The following CAPN2 variants were observed in gnomAD, a reference collection of about 807,000 sequenced individuals.
CAPN2 encodes the protein calpain-2 catalytic subunit.
In CAPN2, 92 loss-of-function variants were observed where a neutral mutation model predicts 102.3. The ratio of observed to expected loss-of-function variants is 0.90; its 90% confidence interval spans 0.76 to 1.07. CAPN2 has a LOEUF of 1.07. CAPN2 is among the 50% of genes least tolerant of loss of function. The probability of loss-of-function intolerance (pLI) is 0.00; values close to 1 mark genes in which losing one functional copy is unlikely to be tolerated. For synonymous variants in CAPN2, 340 were observed against 355.4 expected, an observed-to-expected ratio of 0.96 and a Z score of 0.49; for missense variants, 800 against 909.4, an observed-to-expected ratio of 0.88 and a Z score of 1.55.
At chr1:223,736,971 C>G (rs1406012975) in intron 2 of CAPN2, among the ~76,000 whole-genome samples, 1 of 151,972 alleles carries the variant, frequency 6.6e-6, no homozygotes, top group Non-Finnish European at 1.5e-5. Flanking sequence ...CCCGGGAGGT[C>G]AAGGCTGCAG....
intron 2 of CAPN2, among the ~76,000 whole-genome samples, chr1:223,739,697 G>C (rs1660565182): frequency 6.6e-6 from 1 of 152,118 alleles, no homozygotes; most frequent in Non-Finnish European, 1.5e-5. Flanking sequence ...AATAAAATGA[G>C]CACAAGGAAA....
At chr1:223,765,902 C>T (rs772086003) in intron 15 of CAPN2, among the ~76,000 whole-genome samples, 19 of 152,184 alleles carry the variant, frequency 1.2e-4, no homozygotes, top group Non-Finnish European at 2.2e-4. Flanking sequence ...ACAAATAGCT[C>T]GTGGATCGAT....
At chr1:223,748,226 T>C (rs944494330) in intron 5 of CAPN2, among the ~76,000 whole-genome samples, 2 of 152,220 alleles carry the variant, frequency 1.3e-5, no homozygotes, top group Admixed American at 1.3e-4. Flanking sequence ...GTGGGCACTG[T>C]GCCCAGGAGC....
At chr1:223,743,830 C>T (rs1660683788) in intron 2 of CAPN2, among the ~76,000 whole-genome samples, 1 of 152,230 alleles carries the variant, frequency 6.6e-6, no homozygotes, top group Non-Finnish European at 1.5e-5. Flanking sequence ...AATTTCCCAT[C>T]TCTGCCCAAC....
At chr1:223,772,357 G>A (rs1034301575) in intron 20 of CAPN2, 118 bp downstream of exon 20, 14 of 801,234 alleles carry the variant, frequency 1.7e-5, no homozygotes, top group African/African-American at 6.8e-5. Flanking sequence ...TTGGTCTGTC[G>A]GGGCCAGGCC....
chr1:223,730,037 G>GAAAAAAAAAAAAAA (rs1660298689), intron 2 of CAPN2, among the ~76,000 whole-genome samples: 2 of 94,178 alleles, frequency 2.1e-5, no homozygotes, highest in African/African-American at 4.0e-5. Context: ...AAAAAAAAAC[G>GAAAAAAAAAAAAAA]AAAACCTGAA....
chr1:223,772,455 T>G, intron 20 of CAPN2: 1 of 529,784 alleles, frequency 1.9e-6, no homozygotes, highest in Admixed American at 3.3e-5. Flanking sequence ...CACGCCTGGC[T>G]CCCTCTTCTC....
intron 9 of CAPN2, among the ~76,000 whole-genome samples, chr1:223,753,710 C>CT (rs1179083649): frequency 6.6e-6 from 1 of 152,242 alleles, no homozygotes; most frequent in Non-Finnish European, 1.5e-5. Flanking sequence ...AAATTCGACA[C>CT]TTGACCTCAG....
intron 11 of CAPN2, chr1:223,758,409 C>G (rs1222484615): frequency 6.6e-6 from 1 of 152,272 alleles, no homozygotes; most frequent in Non-Finnish European, 1.5e-5. Flanking sequence ...GCTGCTCCAG[C>G]CTTGGTCCGG....
chr1:223,734,989 C>T (rs1660414184), intron 2 of CAPN2, among the ~76,000 whole-genome samples: 1 of 152,142 alleles, frequency 6.6e-6, no homozygotes, highest in South Asian at 2.1e-4. Flanking sequence ...AGAAACCAGA[C>T]TGCTCTCCCT....
chr1:223,707,558 T>C (rs1347506647), upstream of CAPN2, among the ~76,000 whole-genome samples: 5 of 152,252 alleles, frequency 3.3e-5, no homozygotes, highest in Non-Finnish European at 7.3e-5. Flanking sequence ...GTTTAAAAAC[T>C]AGACTTTGTC....
At chr1:223,751,346 C>G (rs1227955692) in intron 7 of CAPN2, among the ~76,000 whole-genome samples, 1 of 152,180 alleles carries the variant, frequency 6.6e-6, no homozygotes, top group African/African-American at 2.4e-5. Context: ...TACCAAAGGC[C>G]AGAGAAACAT....
intron 7 of CAPN2, among the ~76,000 whole-genome samples, chr1:223,751,605 A>G (rs1660899803): frequency 7.3e-6 from 1 of 137,118 alleles, no homozygotes; most frequent in African/African-American, 3.4e-5. Context: ...ACACCTGCTG[A>G]GGCTTCCCAG....
At chr1:223,721,284 T>C (rs1425834056) in intron 2 of CAPN2, among the ~76,000 whole-genome samples, 1 of 152,346 alleles carries the variant, frequency 6.6e-6, no homozygotes, top group East Asian at 1.9e-4. Context: ...AATATGGCTC[T>C]GAAATCGTGG....
rs1324058605 is a variant in CAPN2, at chr1:223,775,638, A to C, written c.*781A>C. The C allele has an allele frequency of 6.6e-6, 1 of 152,620 alleles. No homozygotes were observed. The highest frequency in any genetic ancestry group is 1.5e-5 in the Non-Finnish European group (1 of 68,040). The allele number at this position is 152,620 out of a possible 1,614,324, so 9.5% of individuals were successfully genotyped here. A position where few individuals can be genotyped will look rare whatever the true frequency, so the allele number is the denominator to read the frequency against. On this transcript the variant is annotated 3_prime_UTR_variant, in exon 21 of 21. Coordinates refer to ENST00000295006, the MANE Select transcript of CAPN2 (RefSeq NM_001748.5). ...ACAAAATAAGCTGTTTGCCACCTCAAAACTTTATGAACTTCACCACCACTA... is the reference window on the plus strand; with the variant it reads ...ACAAAATAAGCTGTTTGCCACCTCACAACTTTATGAACTTCACCACCACTA...
chr1:223,706,026 C>G (rs536254602), intron 1 of CAPN2, among the ~76,000 whole-genome samples: 32 of 152,264 alleles, frequency 2.1e-4, no homozygotes, highest in African/African-American at 7.5e-4. Context: ...CTAGGGGACC[C>G]CAGCTATGAA....
rs200300250 is a variant in CAPN2 at position 223,752,016 on chromosome 1, A to G, written c.919A>G (p.Ile307Val). ...TTCCAGCTGCCCAAGCTGGAACACT[A>G]TAGACCCAGAGGAGAGGGAAAGGCT... ...WNDNCPSWNT[I>V]DPEERERLTR... Residue 307 changes from isoleucine to valine, a missense_variant, in exon 8 of 21, where the codon ATA (isoleucine) becomes GTA (valine). By Grantham distance (29) the Ile-to-Val change is conservative (BLOSUM62 3). Coordinates refer to ENST00000295006, the MANE Select transcript of CAPN2 (RefSeq NM_001748.5). 17 of 1,612,378 alleles carry G rather than the reference A, an allele frequency of 1.1e-5. No homozygotes were observed. Among genetic ancestry groups the G allele is most frequent in the African/African-American group, 9.4e-5 (7 of 74,828 alleles).
intron 2 of CAPN2, among the ~76,000 whole-genome samples, chr1:223,736,269 G>A (rs1660454243): frequency 6.6e-6 from 1 of 152,210 alleles, no homozygotes; most frequent in Non-Finnish European, 1.5e-5. Flanking sequence ...TGGGCTGGAG[G>A]AGCAAAGCCA....
chr1:223,710,382 C>A (rs1167245523), upstream of CAPN2, among the ~76,000 whole-genome samples: 1 of 152,176 alleles, frequency 6.6e-6, no homozygotes, highest in African/African-American at 2.4e-5. Flanking sequence ...TCAGCCTCTA[C>A]ATGACTGATG....
Sources: allele counts gnomAD v4.1 joint callset (sites outside exome capture counted in the v4.1 genomes callset), GRCh38; gene constraint gnomAD v4.1.1; transcripts MANE v1.5; gene names NCBI Gene and HGNC (gene_info 2026-07-23, HGNC 2026-07-21).